Variants in CCT7 observed in about 807,000 individuals in gnomAD.
CCT7 encodes T-complex protein 1 subunit eta.
Under a neutral mutation model 56.6 loss-of-function variants are expected in CCT7, and 16 were observed. The observed-to-expected ratio is 0.28, with a 90% CI of 0.19 to 0.43. CCT7 has a LOEUF of 0.43. CCT7 is among the 20% of genes least tolerant of loss of function. The pLI, the probability that CCT7 is intolerant of heterozygous loss-of-function variation, is 1.00. For missense variants in CCT7, 519 were observed against 685.6 expected (o/e 0.76, Z 2.71); for synonymous variants, 262 against 254.8 (o/e 1.03, Z -0.27).
chr2:73,239,528 A>T, intron 1 of CCT7, 115 bp from the exon 2 acceptor site: 1 of 929,900 alleles, frequency 1.1e-6, no homozygotes, highest in Non-Finnish European at 1.6e-6. Flanking sequence ...AATGTGGTTT[A>T]AGAAGACCTC....
At chr2:73,234,994 G>A (rs1686810205) in intron 1 of CCT7, among the ~76,000 whole-genome samples, 1 of 152,204 alleles carries the variant, frequency 6.6e-6, no homozygotes, top group Non-Finnish European at 1.5e-5. Flanking sequence ...GGCCCTGGTG[G>A]TTGCTGGGGG....
intron 8 of CCT7, among the ~76,000 whole-genome samples, 185 bp from the exon 9 acceptor site, chr2:73,249,634 A>T (rs1687485743): frequency 6.7e-6 from 1 of 149,742 alleles, no homozygotes. Context: ...GATGTGTTTT[A>T]GTTCTATTTT....
At chr2:73,252,468 G>A (rs1687635132) in intron 11 of CCT7, among the ~76,000 whole-genome samples, 172 bp from the exon 12 acceptor site, 1 of 151,776 alleles carries the variant, frequency 6.6e-6, no homozygotes, top group Non-Finnish European at 1.5e-5. Context: ...GCGGGAGTAG[G>A]GGTGTTTCCA....
Position 73,240,396 on chromosome 2 carries a change from T to C in CCT7, c.161-41T>C, listed in dbSNP as rs151141057. 533 of 1,510,598 alleles carry C rather than the reference T, an allele frequency of 3.5e-4. 4 individuals carry two copies. The African/African-American group carries it at 6.5e-3, about 19-fold the overall frequency. 93.6% of individuals were successfully genotyped at this position (1,510,598 alleles called of 1,614,324 possible). ...TTCTAGGTCCCACTTGAAGACAGCATTTAAGAAAGGGGCTTTAGATTTTTG... is the reference window on the plus strand; with the variant it reads ...TTCTAGGTCCCACTTGAAGACAGCACTTAAGAAAGGGGCTTTAGATTTTTG... On this transcript the variant is annotated intron_variant, in intron 2 of 11. Transcript: ENST00000258091.
intron 2 of CCT7, 192 bp from the exon 3 acceptor site, chr2:73,240,244 GC>G (rs1228906669): frequency 2.4e-6 from 1 of 410,358 alleles, no homozygotes; most frequent in Non-Finnish European, 4.3e-6. Flanking sequence ...TCTGTGGTCT[GC>G]AAAAGCTTGT....
In CCT7 at chr2:73,244,724, G is replaced by A; in HGVS notation, c.618+9G>A. 2 of 1,603,528 alleles carry A rather than the reference G, an allele frequency of 1.2e-6. No homozygotes were observed. Among genetic ancestry groups the A allele is most frequent in the Non-Finnish European group, 1.7e-6 (2 of 1,173,048 alleles). ...AGGGTGGAGCCCTCGAGGTAAGCCT[G>A]CTGTGGCCTTCCTAGACAGCTCTTG... On this transcript the variant is annotated intron_variant, in intron 6 of 11. Coordinates refer to ENST00000258091, the MANE Select transcript of CCT7 (RefSeq NM_006429.4).
At chr2:73,237,744 A>G (rs575602981) in intron 1 of CCT7, 1 of 152,332 alleles carries the variant, frequency 6.6e-6, no homozygotes, top group Non-Finnish European at 1.5e-5. Context: ...GGAGTAATGT[A>G]TGATTATTTG....
In CCT7 at chr2:73,251,447, TC is replaced by T; in HGVS notation, c.1410+19del. 1 of 501,270 alleles carries T rather than the reference TC, an allele frequency of 2.0e-6. No individual in the cohort carries two copies. Among genetic ancestry groups the T allele is most frequent in the African/African-American group, 2.2e-5 (1 of 44,788 alleles). The allele number at this position is 501,270 out of a possible 1,614,324, so 31.1% of individuals were successfully genotyped here. ...GGCATGCCCAGGTGGGTCCTTTCTC[TC>T]CCCAGGGTTCAGGGTTTGGGCGGGT... is the stretch of plus-strand genomic sequence containing the variant. On this transcript the variant is annotated intron_variant, in intron 11 of 11. Transcript: ENST00000258091.
At chr2:73,240,140 T>A (rs991558923) in intron 2 of CCT7, 27 of 334,406 alleles carry the variant, frequency 8.1e-5, no homozygotes, top group Non-Finnish European at 1.5e-4. Context: ...GGGTATCAAC[T>A]GTGGTAAGAA....
rs144746959 is a variant in CCT7, at chr2:73,241,589, G to A, written c.267+1046G>A. Among the ~76,000 whole-genome samples the A allele has an allele frequency of 3.1e-3, 472 of 152,120 alleles. 5 individuals are homozygous for A. Among genetic ancestry groups the A allele is most frequent in the African/African-American group, 9.3e-3 (384 of 41,478 alleles). On this transcript the variant is annotated intron_variant, in intron 3 of 11. Transcript: ENST00000258091. The stretch of plus-strand genomic sequence containing the variant: ...AATACAGCACGACCCCATCTCTACC[G>A]AAATAAATTTCTTCCAGTTTAGAGT...
intron 9 of CCT7, 123 bp downstream of exon 9, chr2:73,250,039 T>C: frequency 1.3e-6 from 1 of 777,500 alleles, no homozygotes; most frequent in Non-Finnish European, 2.2e-6. Context: ...ATACAGCTTT[T>C]ACAGAGTCTC....
At position 73,249,062 on chromosome 2, in the gene CCT7, A is replaced by G; in HGVS notation, c.855A>G (p.Gly285=). 6.2e-7 allele frequency: 1 copy of G among 1,614,130 alleles called. No individual in the cohort carries two copies. The highest frequency in any genetic ancestry group is 2.2e-5 in the East Asian group (1 of 44,880). ...AGTTAGAGAAGATCCATCATTCTGGAGCCAAAGTTGTCTTGTCCAAACTCC... is the reference window on the plus strand; with the variant it reads ...AGTTAGAGAAGATCCATCATTCTGGGGCCAAAGTTGTCTTGTCCAAACTCC... ...YDKLEKIHHS[G]AKVVLSKLPI... The change falls in exon 8 of 12, where the codon GGA becomes GGG. Residue 285 remains glycine, a synonymous_variant. Coordinates refer to ENST00000258091, the MANE Select transcript of CCT7 (RefSeq NM_006429.4).
chr2:73,247,163 C>T (rs1455480856), intron 6 of CCT7, among the ~76,000 whole-genome samples: 1 of 152,094 alleles, frequency 6.6e-6, no homozygotes, highest in Non-Finnish European at 1.5e-5. Flanking sequence ...GTCTGAGGAG[C>T]TGCAGTGATA....
chr2:73,248,570 G>GT, intron 7 of CCT7, among the ~76,000 whole-genome samples: 1 of 152,170 alleles, frequency 6.6e-6, no homozygotes, highest in East Asian at 1.9e-4. Context: ...GGCCAGGCTG[G>GT]TCTTGAACTT....
At position 73,250,321 on chromosome 2, in the gene CCT7, T is replaced by A. The variant is rs1310184148; in HGVS notation, c.1086T>A (p.Thr362=). ...QIGGERYNFF[T]GCPKAKTCTF... ...CTGGGCATAGGTACAATTTTTTTAC[T>A]GGCTGCCCCAAGGCCAAGACATGCA... Residue 362 remains threonine, a synonymous_variant, in exon 10 of 12, where the codon ACT becomes ACA. Transcript: ENST00000258091. The A allele has an allele frequency of 6.2e-7, 1 of 1,613,958 alleles. No homozygotes were observed. Among genetic ancestry groups the A allele is most frequent in the Non-Finnish European group, 8.5e-7 (1 of 1,180,028 alleles).
intron 10 of CCT7, 68 bp downstream of exon 10, chr2:73,250,506 G>T: frequency 1.9e-6 from 3 of 1,567,212 alleles, no homozygotes; most frequent in South Asian, 1.1e-5. Flanking sequence ...ATCAGACCTT[G>T]GATTTGTGTG....
intron 1 of CCT7, chr2:73,235,697 T>G (rs550067858): frequency 6.7e-6 from 2 of 296,544 alleles, no homozygotes; most frequent in African/African-American, 4.6e-5. Context: ...GAGCATGTTA[T>G]TTAATTTCTG....
At chr2:73,251,747 G>C (rs1687596368) in intron 11 of CCT7, among the ~76,000 whole-genome samples, 1 of 152,314 alleles carries the variant, frequency 6.6e-6, no homozygotes, top group East Asian at 1.9e-4. Context: ...AGACCAGCCT[G>C]GCCAACATAG....
At chr2:73,249,240 C>T in intron 8 of CCT7, 61 bp downstream of exon 8, 1 of 1,352,750 alleles carries the variant, frequency 7.4e-7, no homozygotes, top group South Asian at 1.4e-5. Context: ...TTTCACTGAC[C>T]CCTGGTATAA....
Sources: allele counts gnomAD v4.1 joint callset (sites outside exome capture counted in the v4.1 genomes callset), GRCh38; gene constraint gnomAD v4.1.1; transcripts MANE v1.5; gene names NCBI Gene and HGNC (gene_info 2026-07-23, HGNC 2026-07-21).